TRPM5: variants seen among roughly 807,000 people sequenced by gnomAD.
TRPM5 encodes transient receptor potential cation channel subfamily M member 5.
Under a neutral mutation model 124.9 loss-of-function variants are expected in TRPM5, and 121 were observed. That is an observed-to-expected ratio of 0.97 (90% CI 0.84 to 1.13). The LOEUF (loss-of-function observed/expected upper bound fraction) is 1.13, where lower values mean the gene tolerates loss of function less well. TRPM5 is among the 50% of genes most tolerant of loss of function. The probability of loss-of-function intolerance (pLI) is 0.00; values close to 1 mark genes in which losing one functional copy is unlikely to be tolerated. For missense variants in TRPM5, 1,643 were observed against 1,589.1 expected, an observed-to-expected ratio of 1.03 and a Z score of -0.58; for synonymous variants, 781 against 700.5, an observed-to-expected ratio of 1.11 and a Z score of -1.81.
chr11:2,418,176 C>A, exon 6 of TRPM5: 1 of 1,570,908 alleles, frequency 6.4e-7, no homozygotes, highest in Non-Finnish European at 8.7e-7. Flanking sequence ...CCAGCTTGGT[C>A]CAGCGCACGA....
At chr11:2,411,869 C>A in intron 16 of TRPM5, 102 bp from the exon 22 acceptor site, 1 of 1,457,056 alleles carries the variant, frequency 6.9e-7, no homozygotes, top group South Asian at 1.2e-5. Context: ...AGGGCCAGGC[C>A]AGGACTCCTT....
At chr11:2,432,886 C>CG in the TRPM5 span, among the ~76,000 whole-genome samples, 20 of 152,204 alleles carry the variant, frequency 1.3e-4, no homozygotes, top group African/African-American at 4.8e-4. Flanking sequence ...TCTGACCCCT[C>CG]GGGGGGCAGC....
At chr11:2,439,958 G>A in the TRPM5 span, among the ~76,000 whole-genome samples, 4 of 152,190 alleles carry the variant, frequency 2.6e-5, no homozygotes, top group African/African-American at 4.8e-5. Context: ...ACTGGGTAAA[G>A]AAAATGTGGT....
chr11:2,418,054 G>T, intron 6 of TRPM5, 113 bp downstream of exon 11: 1 of 1,101,000 alleles, frequency 9.1e-7, no homozygotes, highest in Non-Finnish European at 1.3e-6. Flanking sequence ...GGGGGGCCCA[G>T]CAGCCTGAGG....
exon 9 of TRPM5, chr11:2,415,154 G>A: frequency 1.3e-6 from 2 of 1,579,106 alleles, no homozygotes; most frequent in Non-Finnish European, 1.7e-6. Flanking sequence ...GGCCGTCCTG[G>A]TAGAAGCCTC....
chr11:2,411,757 A>G, exon 17 of TRPM5: 2 of 1,612,574 alleles, frequency 1.2e-6, no homozygotes, highest in Non-Finnish European at 1.7e-6. Flanking sequence ...TCAAACGCCG[A>G]CGGCAGCATC....
the TRPM5 span, among the ~76,000 whole-genome samples, chr11:2,431,540 C>T: frequency 1.3e-5 from 2 of 152,190 alleles, no homozygotes; most frequent in Non-Finnish European, 2.9e-5. Context: ...TACAGAAGTT[C>T]TTCCCCAGCC....
At chr11:2,414,246 TGCCCG>T in intron 11 of TRPM5, 40 bp from the exon 17 acceptor site, 1 of 1,584,698 alleles carries the variant, frequency 6.3e-7, no homozygotes, top group South Asian at 1.1e-5. Context: ...GAGACGCCGA[TGCCCG>T]GCCCGGCCCC....
chr11:2,407,129 C>T (rs1195541331), exon 20 of TRPM5: 1 of 1,594,932 alleles, frequency 6.3e-7, no homozygotes, highest in East Asian at 2.3e-5. Flanking sequence ...CCAGGTGCTC[C>T]CGCTTGTGCT....
At chr11:2,436,992 G>A in the TRPM5 span, among the ~76,000 whole-genome samples, 5 of 152,208 alleles carry the variant, frequency 3.3e-5, no homozygotes, top group South Asian at 2.1e-4. Flanking sequence ...GGAGGGCCCC[G>A]CCACCAGCCA....
Position 2,418,560 on chromosome 11 carries a change from G to A in TRPM5, c.681C>T (p.Cys227=), listed in dbSNP as rs116730082. The change falls in exon 5 of 24, where the codon TGC becomes TGT. Residue 227 remains cysteine, a synonymous_variant. Coordinates refer to ENST00000155858, the Ensembl canonical transcript of TRPM5. ...TGTTGGGATCACCATTGACCAGCAA[G>A]CAGAGGACAGGGATCTCGATGCTGC... is the stretch of plus-strand genomic sequence containing the variant. The A allele has an allele frequency of 2.3e-3, 3,752 of 1,611,878 alleles. 87 individuals carry two copies. The African/African-American group carries it at 0.045, about 19-fold the overall frequency.
At chr11:2,406,124 G>C in intron 21 of TRPM5, 33 bp from the exon 27 acceptor site, 1 of 1,608,084 alleles carries the variant, frequency 6.2e-7, no homozygotes, top group Non-Finnish European at 8.5e-7. Flanking sequence ...GGCTGTGGAT[G>C]GCCACGCGGT....
At chr11:2,426,258 G>A (rs1317049658), upstream of TRPM5, among the ~76,000 whole-genome samples, 2 of 152,284 alleles carry the variant, frequency 1.3e-5, no homozygotes, top group East Asian at 1.9e-4. Context: ...CCTTCCTGGT[G>A]GCCGCAACCA....
intron 18 of TRPM5, among the ~76,000 whole-genome samples, chr11:2,409,131 C>T (rs779327867): frequency 1.1e-4 from 16 of 152,122 alleles, no homozygotes; most frequent in Non-Finnish European, 1.9e-4. Flanking sequence ...TAGTGTGACG[C>T]GTTGGCCCGT....
the TRPM5 span, among the ~76,000 whole-genome samples, chr11:2,430,249 C>T: frequency 6.6e-6 from 1 of 150,844 alleles, no homozygotes. Flanking sequence ...CACTCAGATA[C>T]TGGCAGAACC....
At chr11:2,435,202 G>A in the TRPM5 span, among the ~76,000 whole-genome samples, 101 of 152,306 alleles carry the variant, frequency 6.6e-4, 1 homozygote, top group Non-Finnish European at 1.1e-3. This position sits in a 1 kb window ranked among gnomAD's most constrained non-coding sequence, Gnocchi z 4.1. Flanking sequence ...AAGATCAATC[G>A]ATGATTAAGA....
At chr11:2,408,143 T>C (rs1222364244) in intron 18 of TRPM5, among the ~76,000 whole-genome samples, 1 of 152,154 alleles carries the variant, frequency 6.6e-6, no homozygotes, top group East Asian at 1.9e-4. Flanking sequence ...GGGCCCCCTC[T>C]GCCATGTCTG....
chr11:2,434,509 G>C, the TRPM5 span, among the ~76,000 whole-genome samples: 1 of 151,410 alleles, frequency 6.6e-6, no homozygotes, highest in Non-Finnish European at 1.5e-5. Flanking sequence ...GTGTGTGTGT[G>C]GATGCTGTGT....
rs1005376436 is a variant in TRPM5 at position 2,421,447 on chromosome 11, C to T, written c.299-249G>A. 8.5e-5 allele frequency among the ~76,000 whole-genome samples: 13 copies of T among 152,328 alleles called. No homozygotes were observed. The South Asian group carries it at 1.2e-3, about 15-fold the overall frequency. ...AGTGGCACCCCCACCCCACCTGGAG[C>T]GCACAAACTGGGGTCCAGTCCCCCC... On this transcript the variant is annotated intron_variant, in intron 2 of 23. Coordinates refer to ENST00000155858, the Ensembl canonical transcript of TRPM5.
Sources: allele counts gnomAD v4.1 joint callset (sites outside exome capture counted in the v4.1 genomes callset), GRCh38; gene constraint gnomAD v4.1.1; non-coding constraint Gnocchi (gnomAD v3.1); transcripts MANE v1.5; gene names NCBI Gene and HGNC (gene_info 2026-07-23, HGNC 2026-07-21).